Variants in CA1 observed in about 807,000 individuals in gnomAD.
CA1 encodes the protein carbonic anhydrase 1, also known as carbonate dehydratase I.
CA1 carries 27 observed loss-of-function variants against 28.8 expected under a neutral mutation model. That is an observed-to-expected ratio of 0.94 (90% CI 0.69 to 1.29). The LOEUF is 1.29. Ranked by LOEUF, CA1 falls within the 50% of genes most tolerant of loss-of-function variation. The pLI is 0.00. For missense variants in CA1, 335 were observed against 310.5 expected (o/e 1.08, Z -0.59); for synonymous variants, 121 against 108.8 (o/e 1.11, Z -0.70).
chr8:85,372,927 T>TA (rs1229271067), intron 1 of CA1, among the ~76,000 whole-genome samples: 1 of 152,222 alleles, frequency 6.6e-6, no homozygotes, highest in African/African-American at 2.4e-5. Flanking sequence ...ACCCTTATTT[T>TA]ACTTCATAAT....
intron 2 of CA1, chr8:85,341,347 G>T (rs1808918245): frequency 2.8e-6 from 1 of 357,008 alleles, no homozygotes; most frequent in Non-Finnish European, 5.0e-6. Flanking sequence ...TTTGCTTAAT[G>T]ATAGGGGTCT....
At chr8:85,331,558 G>A (rs1198610120) in intron 6 of CA1, among the ~76,000 whole-genome samples, 3 of 152,088 alleles carry the variant, frequency 2.0e-5, no homozygotes, top group Admixed American at 6.6e-5. Context: ...CTGGGTTCAA[G>A]CGATTCTCCT....
In CA1 at chr8:85,338,300, C is replaced by T; in HGVS notation, c.187G>A (p.Val63Met). 6.2e-7 allele frequency: 1 copy of T among 1,614,028 alleles called. No homozygotes were observed. Among genetic ancestry groups the T allele is most frequent in the Non-Finnish European group, 8.5e-7 (1 of 1,179,892 alleles). ...NPATAKEIIN[V>M]GHSFHVNFED... Reference sequence around the variant, plus strand: ...AAATTTACATGGAAGGAATGCCCCACATTGATAATTTCTTTGGCTGTGGCT... The same window carrying T: ...AAATTTACATGGAAGGAATGCCCCATATTGATAATTTCTTTGGCTGTGGCT... Residue 63 changes from valine (V) to methionine (M), a missense_variant, in exon 3 of 8, where the codon GTG becomes ATG. By Grantham distance (21) the Val-to-Met change is conservative. Transcript: ENST00000523022.
At chr8:85,376,602 C>T (rs1320102177) in intron 1 of CA1, among the ~76,000 whole-genome samples, 1 of 151,570 alleles carries the variant, frequency 6.6e-6, no homozygotes, top group Non-Finnish European at 1.5e-5. Context: ...GCAGAGGTTA[C>T]AGTGAGCTGA....
At chr8:85,358,939 A>G (rs1173757362) in intron 1 of CA1, among the ~76,000 whole-genome samples, 1 of 152,184 alleles carries the variant, frequency 6.6e-6, no homozygotes, top group Non-Finnish European at 1.5e-5. Context: ...CATCAACCCC[A>G]TAACAGTGAG....
intron 2 of CA1, among the ~76,000 whole-genome samples, chr8:85,339,846 T>A (rs570826330): frequency 6.6e-6 from 1 of 152,282 alleles, no homozygotes; most frequent in Non-Finnish European, 1.5e-5. Flanking sequence ...TTAAGCCGAA[T>A]CCTAATGAGA....
At chr8:85,342,943 G>A (rs1470053619) in intron 1 of CA1, 1 of 152,094 alleles carries the variant, frequency 6.6e-6, no homozygotes, top group African/African-American at 2.4e-5. Context: ...CTGTGGTCAT[G>A]AACATTCACA....
rs1190698837 is a variant in CA1, at chr8:85,336,975, AT to A, written c.323del (p.His108LeufsTer14). On this transcript the variant is annotated frameshift_variant, in exon 4 of 8. Transcript: ENST00000523022. LOFTEE classifies it high-confidence loss of function. ...WGSTNEHGSE[H>X]TVDGVKYSAE... Reference sequence around the variant, plus strand: ...CAGAATATTTGACTCCATCCACTGTATGTTCTGAACCATGCTCATTTGTACT... The same window carrying A: ...CAGAATATTTGACTCCATCCACTGTAGTTCTGAACCATGCTCATTTGTACT... 1 of 1,610,380 alleles carries A rather than the reference AT, an allele frequency of 6.2e-7. No individual in the cohort carries two copies. Among genetic ancestry groups the A allele is most frequent in the Non-Finnish European group, 8.5e-7 (1 of 1,176,732 alleles).
chr8:85,341,358 G>C, intron 2 of CA1: 1 of 383,374 alleles, frequency 2.6e-6, no homozygotes, highest in Non-Finnish European at 4.7e-6. Context: ...ATAGGGGTCT[G>C]AAACTGAACC....
intron 1 of CA1, among the ~76,000 whole-genome samples, chr8:85,370,258 A>G (rs904147175): frequency 6.6e-6 from 1 of 152,184 alleles, no homozygotes; most frequent in Non-Finnish European, 1.5e-5. Context: ...GTCTCAGCCT[A>G]TCTCAGATTG....
intron 1 of CA1, among the ~76,000 whole-genome samples, chr8:85,363,577 ATC>A (rs1467364106): frequency 6.6e-6 from 1 of 152,168 alleles, no homozygotes; most frequent in Non-Finnish European, 1.5e-5. Context: ...GCTTGGAGTT[ATC>A]TGTGTCTCCT....
intron 6 of CA1, 70 bp from the exon 7 acceptor site, chr8:85,329,914 GC>G: frequency 1.7e-6 from 2 of 1,160,038 alleles, no homozygotes; most frequent in Non-Finnish European, 2.5e-6. Context: ...ACATATATAT[GC>G]TATATTATCT....
intron 1 of CA1, among the ~76,000 whole-genome samples, chr8:85,368,309 A>T (rs1327674899): frequency 6.6e-6 from 1 of 151,930 alleles, no homozygotes; most frequent in Non-Finnish European, 1.5e-5. Flanking sequence ...ATGGGACTAG[A>T]GGAGTGTGCC....
Position 85,366,165 on chromosome 8 carries a change from C to A in CA1, c.-25+11881G>T, listed in dbSNP as rs201897564. On this transcript the variant is annotated intron_variant, in intron 1 of 7. Coordinates refer to ENST00000523022, the MANE Select transcript of CA1 (RefSeq NM_001128831.4). ...AAGCCCCACCATGCTCTTTCTTCCC[C>A]TTTTTTTTTTTTTTTTTTTTAAGTT... 1.5e-4 allele frequency among the ~76,000 whole-genome samples: 19 copies of A among 128,278 alleles called. 1 individual carries two copies. In the South Asian group the frequency reaches 4.8e-3, roughly 32 times the overall value. The allele number at this position is 128,278 out of a possible 152,430, so 84.2% of individuals were successfully genotyped here. A position where few individuals can be genotyped will look rare whatever the true frequency, so the allele number is the denominator to read the frequency against.
intron 1 of CA1, among the ~76,000 whole-genome samples, chr8:85,369,497 G>A (rs540608101): frequency 6.6e-6 from 1 of 152,232 alleles, no homozygotes; most frequent in South Asian, 2.1e-4. Context: ...TCACATCTTT[G>A]CTTTACATAG....
intron 1 of CA1, among the ~76,000 whole-genome samples, chr8:85,365,464 A>C (rs1484307949): frequency 3.9e-5 from 6 of 152,206 alleles, no homozygotes; most frequent in Non-Finnish European, 8.8e-5. Context: ...TTATTATGGT[A>C]AAAGGAATTT....
At position 85,344,297 on chromosome 8, in the gene CA1, A is replaced by AAT. The variant is rs539994510; in HGVS notation, c.-24-2640_-24-2639dup. On this transcript the variant is annotated intron_variant, in intron 1 of 7. Coordinates refer to ENST00000523022, the MANE Select transcript of CA1 (RefSeq NM_001128831.4). ...TAATTATATATTATATACAGTATAT[A>AAT]ATATAATTATATATTATACAGTATA... Among the ~76,000 whole-genome samples, 8 of 54,926 alleles carry AAT rather than the reference A, an allele frequency of 1.5e-4. 1 individual carries two copies. The highest frequency in any genetic ancestry group is 1.1e-3 in the East Asian group (4 of 3,662). 36.0% of individuals were successfully genotyped at this position (54,926 alleles called of 152,430 possible).
intron 1 of CA1, among the ~76,000 whole-genome samples, chr8:85,377,252 A>G (rs1253157044): frequency 1.3e-5 from 2 of 152,190 alleles, no homozygotes; most frequent in African/African-American, 4.8e-5. Context: ...TTACTACTGC[A>G]TAAATTTGGT....
chr8:85,354,223 C>T (rs936737706), intron 1 of CA1, among the ~76,000 whole-genome samples: 1 of 151,892 alleles, frequency 6.6e-6, no homozygotes, highest in African/African-American at 2.4e-5. Flanking sequence ...GATCCACCCA[C>T]CTTGGCCTCC....
Sources: allele counts gnomAD v4.1 joint callset (sites outside exome capture counted in the v4.1 genomes callset), GRCh38; gene constraint gnomAD v4.1.1; transcripts MANE v1.5; gene names NCBI Gene and HGNC (gene_info 2026-07-23, HGNC 2026-07-21).